PDE4D: variants seen among roughly 807,000 people sequenced by gnomAD.
PDE4D encodes phosphodiesterase 4D.
Under a neutral mutation model 87.4 loss-of-function variants are expected in PDE4D, and 24 were observed. The ratio of observed to expected loss-of-function variants is 0.27; its 90% CI spans 0.20 to 0.39. The LOEUF (loss-of-function observed/expected upper bound fraction) is 0.39, where lower values mean the gene tolerates loss of function less well. PDE4D is among the 10% of genes least tolerant of loss of function. PDE4D has a pLI of 1.00. For synonymous variants in PDE4D, 384 were observed against 383.2 expected (o/e 1.00, Z -0.02); for missense variants, 714 against 1,041.0 (o/e 0.69, Z 4.32).
chr5:59,582,851 C>T (rs187561408), intron 1 of PDE4D, among the ~76,000 whole-genome samples: 4 of 152,250 alleles, frequency 2.6e-5, no homozygotes, highest in African/African-American at 9.6e-5. Flanking sequence ...CAGTTTAAAA[C>T]ATTTAGATGT....
intron 1 of PDE4D, among the ~76,000 whole-genome samples, chr5:59,402,888 C>T (rs757865719): frequency 3.9e-5 from 6 of 152,046 alleles, no homozygotes; most frequent in Non-Finnish European, 7.3e-5. Context: ...CCTCCCATTA[C>T]AGTTATATAA....
At chr5:59,174,653 C>T (rs952583488) in intron 5 of PDE4D, among the ~76,000 whole-genome samples, 1 of 152,144 alleles carries the variant, frequency 6.6e-6, no homozygotes, top group African/African-American at 2.4e-5. Context: ...TAATACAATG[C>T]CACATCTATT....
chr5:59,022,384 C>G (rs1229187574), intron 6 of PDE4D, among the ~76,000 whole-genome samples: 2 of 152,130 alleles, frequency 1.3e-5, no homozygotes, highest in Non-Finnish European at 1.5e-5. Context: ...TTCTCTCTTT[C>G]TTTCCTTATA....
intron 1 of PDE4D, among the ~76,000 whole-genome samples, chr5:59,540,989 G>A (rs895415444): frequency 9.9e-5 from 15 of 152,034 alleles, no homozygotes; most frequent in African/African-American, 3.1e-4. Context: ...ACCTTAGGAA[G>A]GTCTAATTCT....
chr5:59,253,472 C>T (rs962685270), intron 1 of PDE4D, among the ~76,000 whole-genome samples: 2 of 152,036 alleles, frequency 1.3e-5, no homozygotes, highest in Non-Finnish European at 2.9e-5. Flanking sequence ...ACTCAAACTC[C>T]CTCCACCTGC....
At chr5:59,967,856 T>A (rs948188503) in intron 3 of PDE4D, among the ~76,000 whole-genome samples, 12 of 151,760 alleles carry the variant, frequency 7.9e-5, no homozygotes, top group African/African-American at 2.7e-4. Flanking sequence ...CAGGTGCCCA[T>A]CAATAGTAGA....
chr5:59,163,189 G>T (rs1178762663), intron 5 of PDE4D, among the ~76,000 whole-genome samples: 2 of 148,880 alleles, frequency 1.3e-5, no homozygotes, highest in Admixed American at 1.4e-4. Context: ...CAATCGATCC[G>T]CCTGCCTCGG....
Position 59,089,497 on chromosome 5 carries a change from T to G in PDE4D, c.809-50526A>C, listed in dbSNP as rs191162332. On this transcript the variant is annotated intron_variant, in intron 5 of 14. Coordinates refer to ENST00000340635, the MANE Select transcript of PDE4D (RefSeq NM_001104631.2). ...TGGACAGGCACTGCTTTAAGTATTTTTATATGTATCAACTCATTGAATTTT... is the reference window on the plus strand; with the variant it reads ...TGGACAGGCACTGCTTTAAGTATTTGTATATGTATCAACTCATTGAATTTT... 3.0e-3 allele frequency among the ~76,000 whole-genome samples: 454 copies of G among 152,296 alleles called. 3 individuals carry two copies. Among genetic ancestry groups the G allele is most frequent in the African/African-American group, 0.011 (442 of 41,562 alleles).
chr5:59,969,918 C>T (rs573262678), intron 3 of PDE4D, among the ~76,000 whole-genome samples: 27 of 152,248 alleles, frequency 1.8e-4, no homozygotes, highest in Middle Eastern at 3.4e-3. Flanking sequence ...AGTGTGAGAA[C>T]GGACAAATAC....
intron 5 of PDE4D, chr5:59,157,327 C>T (rs1423905787): frequency 2.8e-6 from 2 of 702,420 alleles, no homozygotes; most frequent in Non-Finnish European, 5.2e-6. Context: ...TTTCACATGT[C>T]AAGTAACGTA....
chr5:60,204,196 A>C (rs529481357), intron 1 of PDE4D, among the ~76,000 whole-genome samples: 9 of 152,252 alleles, frequency 5.9e-5, no homozygotes, highest in East Asian at 5.8e-4. Context: ...CTATCTATCT[A>C]TCTAGCTAGC....
chr5:60,140,832 A>G (rs1780462543), intron 2 of PDE4D, among the ~76,000 whole-genome samples: 1 of 152,176 alleles, frequency 6.6e-6, no homozygotes, highest in South Asian at 2.1e-4. Context: ...CTGAATTTCG[A>G]GAATAGTTTA....
At chr5:59,941,260 T>C (rs1757150674) in intron 3 of PDE4D, among the ~76,000 whole-genome samples, 1 of 152,216 alleles carries the variant, frequency 6.6e-6, no homozygotes, top group Non-Finnish European at 1.5e-5. Flanking sequence ...TGTCCTTCAC[T>C]CTTTCCTTAA....
chr5:59,402,955 G>A (rs958411563), intron 1 of PDE4D, among the ~76,000 whole-genome samples: 1 of 151,856 alleles, frequency 6.6e-6, no homozygotes, highest in Non-Finnish European at 1.5e-5. Context: ...GCAAAGTAAC[G>A]TTTACTGATA....
At chr5:59,578,437 T>C (rs147023456) in intron 1 of PDE4D, among the ~76,000 whole-genome samples, 1 of 152,332 alleles carries the variant, frequency 6.6e-6, no homozygotes, top group East Asian at 1.9e-4. Flanking sequence ...TAATTAAGAA[T>C]TGTAACATTT....
chr5:59,283,521 T>C (rs1290482174), intron 1 of PDE4D, among the ~76,000 whole-genome samples: 1 of 152,194 alleles, frequency 6.6e-6, no homozygotes, highest in African/African-American at 2.4e-5. Flanking sequence ...AATAAAAACT[T>C]CTACCATTTG....
intron 1 of PDE4D, among the ~76,000 whole-genome samples, chr5:60,424,079 T>C (rs9750942): frequency 2.8e-4 from 43 of 152,308 alleles, no homozygotes; most frequent in Admixed American, 2.7e-3. Flanking sequence ...CAGGACCCGA[T>C]GGATTCACAG....
intron 1 of PDE4D, among the ~76,000 whole-genome samples, chr5:59,526,275 T>C (rs979284141): frequency 1.3e-5 from 2 of 152,148 alleles, no homozygotes; most frequent in Non-Finnish European, 2.9e-5. Flanking sequence ...ATATAAAACA[T>C]ATCTCTGTTA....
intron 6 of PDE4D, among the ~76,000 whole-genome samples, chr5:59,015,221 T>A (rs1580303595): frequency 6.6e-6 from 1 of 152,108 alleles, no homozygotes; most frequent in Non-Finnish European, 1.5e-5. Flanking sequence ...GGGCAAGGAC[T>A]TCATGTCTGA....
Sources: gnomAD v4.1 joint callset for allele counts (sites outside exome capture counted in the v4.1 genomes callset) on GRCh38, gnomAD v4.1.1 for gene constraint, MANE v1.5 for transcripts, NCBI Gene and HGNC (gene_info 2026-07-23, HGNC 2026-07-21) for gene names.